AOPEP: variants seen among roughly 807,000 people sequenced by gnomAD.
AOPEP encodes the protein aminopeptidase O.
AOPEP carries 77 observed loss-of-function variants against 98.1 expected under a neutral mutation model. That is an observed-to-expected ratio of 0.78 (90% CI 0.65 to 0.95). AOPEP has a LOEUF of 0.95. Ranked by LOEUF, AOPEP falls within the 40% of genes least tolerant of loss-of-function variation. The probability of loss-of-function intolerance (pLI) is 0.00; values close to 1 mark genes in which losing one functional copy is unlikely to be tolerated. For synonymous variants in AOPEP, 346 were observed against 365.3 expected, an observed-to-expected ratio of 0.95 and a Z score of 0.60; for missense variants, 1,024 against 1,024.7, an observed-to-expected ratio of 1.00 and a Z score of 0.01.
At chr9:94,991,795 A>AT (rs1434668200) in intron 11 of AOPEP, among the ~76,000 whole-genome samples, 4 of 152,164 alleles carry the variant, frequency 2.6e-5, no homozygotes, top group African/African-American at 9.7e-5. Context: ...CGGTAGCCCT[A>AT]TGTATCTAGA....
chr9:94,754,133 A>G (rs1030858545), intron 1 of AOPEP, among the ~76,000 whole-genome samples: 2 of 152,252 alleles, frequency 1.3e-5, no homozygotes, highest in African/African-American at 4.8e-5. Flanking sequence ...TGTGACATTT[A>G]TAAACACAAA....
rs2042852715 is a variant in AOPEP, at chr9:94,846,260, G to A, written c.1364+45258G>A. ...ACAACGTGGAAGGAGGTGGAAAGAA[G>A]ATCAGTGGTGTGCGGACTGAGCTGT... On this transcript the variant is annotated intron_variant, in intron 5 of 16. Coordinates refer to ENST00000375315, the MANE Select transcript of AOPEP (RefSeq NM_001193329.3). Among the ~76,000 whole-genome samples the A allele has an allele frequency of 2.0e-5, 3 of 152,262 alleles. No individual in the cohort carries two copies. In the South Asian group the frequency reaches 6.2e-4, roughly 32 times the overall value.
intron 7 of AOPEP, among the ~76,000 whole-genome samples, chr9:94,952,613 C>T (rs138573313): frequency 2.4e-4 from 37 of 152,298 alleles, no homozygotes; most frequent in African/African-American, 7.0e-4. Context: ...CTGCTTTCTC[C>T]GGTACTTTGT....
chr9:94,915,513 G>A (rs76847973), intron 5 of AOPEP, among the ~76,000 whole-genome samples: 2,360 of 151,702 alleles, frequency 0.016, 64 homozygotes, highest in African/African-American at 0.054. Flanking sequence ...CAGGGAACCC[G>A]CTCTTGCCTC....
At chr9:94,837,835 C>T (rs193168467) in intron 5 of AOPEP, among the ~76,000 whole-genome samples, 1 of 152,290 alleles carries the variant, frequency 6.6e-6, no homozygotes, top group East Asian at 1.9e-4. Flanking sequence ...AAAGCTTTCT[C>T]TCTGAGAACT....
chr9:95,114,759 C>T, the AOPEP span: 2 of 1,542,062 alleles, frequency 1.3e-6, no homozygotes, highest in Non-Finnish European at 1.8e-6. Flanking sequence ...AAATGTCAAG[C>T]CCATGAGGAA....
At chr9:94,815,522 C>T (rs1295009580) in intron 5 of AOPEP, among the ~76,000 whole-genome samples, 1 of 152,128 alleles carries the variant, frequency 6.6e-6, no homozygotes, top group African/African-American at 2.4e-5. Context: ...CCTCGGGCCC[C>T]TTCAGGCCTC....
intron 1 of AOPEP, among the ~76,000 whole-genome samples, chr9:94,728,321 A>G (rs1470582604): frequency 6.6e-6 from 1 of 152,112 alleles, no homozygotes; most frequent in African/African-American, 2.4e-5. Flanking sequence ...ATTGTGCAGT[A>G]AAACCCTGCT....
At chr9:94,905,184 A>G (rs1273305391) in intron 5 of AOPEP, among the ~76,000 whole-genome samples, 2 of 152,192 alleles carry the variant, frequency 1.3e-5, no homozygotes, top group Non-Finnish European at 2.9e-5. Flanking sequence ...AACCAAGAAA[A>G]TAATTTTCGA....
intron 10 of AOPEP, among the ~76,000 whole-genome samples, chr9:94,971,107 G>A (rs1477323424): frequency 2.0e-5 from 3 of 152,050 alleles, no homozygotes; most frequent in Non-Finnish European, 4.4e-5. Context: ...GAGCCCTCTG[G>A]CTCTGGGGGA....
chr9:94,752,530 C>T (rs2132259103), intron 1 of AOPEP, among the ~76,000 whole-genome samples: 1 of 152,088 alleles, frequency 6.6e-6, no homozygotes, highest in African/African-American at 2.4e-5. Context: ...TAACTATCAA[C>T]AAAAGTTCTA....
Position 94,759,924 on chromosome 9 carries a change from C to A in AOPEP, c.141C>A (p.Leu47=). ...TTGAGGGGACCATAGTGCTTTTCCT[C>A]GAGGATGGAAACAGATTCAAGAAAC... ...QVIEGTIVLF[L]EDGNRFKKQN... is the part of the protein sequence containing the mutation. Residue 47 remains leucine (L), a synonymous_variant, in exon 2 of 17, where the codon CTC becomes CTA. Coordinates refer to ENST00000375315, the MANE Select transcript of AOPEP (RefSeq NM_001193329.3). 6.2e-7 allele frequency: 1 copy of A among 1,614,022 alleles called. No homozygotes were observed. The highest frequency in any genetic ancestry group is 8.5e-7 in the Non-Finnish European group (1 of 1,180,024).
chr9:94,811,511 G>A (rs1437108374), intron 5 of AOPEP, among the ~76,000 whole-genome samples: 2 of 152,060 alleles, frequency 1.3e-5, no homozygotes, highest in African/African-American at 2.4e-5. Flanking sequence ...CTCCCCATCA[G>A]CAATCCCTTC....
intron 5 of AOPEP, among the ~76,000 whole-genome samples, chr9:94,853,985 G>C (rs1399253261): frequency 6.6e-6 from 1 of 152,192 alleles, no homozygotes; most frequent in Admixed American, 6.5e-5. Flanking sequence ...TATGTGAAAG[G>C]GAATTGCCTG....
chr9:94,890,211 G>GAT (rs1554757599), intron 5 of AOPEP, among the ~76,000 whole-genome samples: 2 of 144,968 alleles, frequency 1.4e-5, no homozygotes, highest in Non-Finnish European at 3.0e-5. Flanking sequence ...TGGTTTTTTT[G>GAT]TTTTTTTTTG....
chr9:95,086,871 G>C lies in AOPEP; in HGVS notation c.*194G>C, dbSNP rs554680802. The stretch of plus-strand genomic sequence containing the variant: ...AGGCACACACAAAAGGCAGATTCTC[G>C]TAAACGCAGCCTCCCTCCCTGGAGG... On this transcript the variant is annotated 3_prime_UTR_variant, in exon 17 of 17. Transcript: ENST00000375315. 4 of 987,948 alleles carry C rather than the reference G, an allele frequency of 4.0e-6. No homozygotes were observed. The highest frequency in any genetic ancestry group is 1.2e-4 in the Admixed American group (2 of 16,288). The allele number at this position is 987,948 out of a possible 1,614,324, so 61.2% of individuals were successfully genotyped here. A position where few individuals can be genotyped will look rare whatever the true frequency, so the allele number is the denominator to read the frequency against.
chr9:94,770,894 T>G (rs400231), intron 2 of AOPEP, among the ~76,000 whole-genome samples: 34,311 of 151,924 alleles, frequency 0.23, 5,629 homozygotes, highest in African/African-American at 0.46. Context: ...ATATTAGGAG[T>G]AAGGGGTTGT....
At chr9:95,096,390 C>T in the AOPEP span, among the ~76,000 whole-genome samples, 1 of 152,076 alleles carries the variant, frequency 6.6e-6, no homozygotes, top group African/African-American at 2.4e-5. Flanking sequence ...GCCCTGAGTC[C>T]CTGGCAGGAT....
At chr9:94,755,469 A>G (rs1044536576) in intron 1 of AOPEP, among the ~76,000 whole-genome samples, 1 of 152,242 alleles carries the variant, frequency 6.6e-6, no homozygotes, top group Non-Finnish European at 1.5e-5. Flanking sequence ...CAAGTAAGAC[A>G]TAGACAAATA....
Sources: allele counts gnomAD v4.1 joint callset (sites outside exome capture counted in the v4.1 genomes callset), GRCh38; gene constraint gnomAD v4.1.1; transcripts MANE v1.5; gene names NCBI Gene and HGNC (gene_info 2026-07-23, HGNC 2026-07-21).